Variants in GREB1L observed in about 807,000 individuals in gnomAD.
The protein encoded by GREB1L is GREB1-like protein.
In GREB1L, 17 loss-of-function variants were observed where a neutral mutation model predicts 200.8. The ratio of observed to expected loss-of-function variants is 0.08; its 90% CI spans 0.06 to 0.13. The LOEUF is 0.13. GREB1L is among the 10% of genes least tolerant of loss of function. The probability of loss-of-function intolerance (pLI) is 1.00; values close to 1 mark genes in which losing one functional copy is unlikely to be tolerated. For synonymous variants in GREB1L, 789 were observed against 893.0 expected, an observed-to-expected ratio of 0.88 and a Z score of 2.08; for missense variants, 1,657 against 2,367.7, an observed-to-expected ratio of 0.70 and a Z score of 6.23.
intron 15 of GREB1L, among the ~76,000 whole-genome samples, chr18:21,472,598 T>C (rs2035526485): frequency 6.6e-6 from 1 of 152,050 alleles, no homozygotes; most frequent in Non-Finnish European, 1.5e-5. Flanking sequence ...TTGGTTTTTT[T>C]TTTCTTGTAT....
chr18:21,515,304 A>G lies in GREB1L; in HGVS notation c.4902-113A>G, dbSNP rs895075255. On this transcript the variant is annotated intron_variant, in intron 28 of 32. Transcript: ENST00000424526. ...TCCATTTGCTAATACGAAGTAAATC[A>G]GTTAATTTTATCCTTGAGAGTATTA... The G allele has an allele frequency of 4.1e-6, 3 of 726,280 alleles. No individual in the cohort carries two copies. The African/African-American group carries it at 5.3e-5, about 13-fold the overall frequency. The allele number at this position is 726,280 out of a possible 1,614,324, so 45.0% of individuals were successfully genotyped here.
intron 1 of GREB1L, among the ~76,000 whole-genome samples, chr18:21,329,482 G>A (rs2039074395): frequency 6.6e-6 from 1 of 151,700 alleles, no homozygotes; most frequent in Non-Finnish European, 1.5e-5. Flanking sequence ...TTAACTCCAA[G>A]GATAATTGTG....
rs967167393 is a variant in GREB1L, at chr18:21,520,803, A to G, written c.5588A>G (p.Lys1863Arg). The change falls in exon 32 of 33, where the codon AAG becomes AGG. Residue 1863 changes from lysine to arginine, a missense_variant. This residue lies in a region of GREB1L where 190 missense variants were observed against 230.2 expected (regional missense o/e 0.83). Transcript: ENST00000424526. ...LCDSFVGADL[K>R]KFKFLKGATL... is the part of the protein sequence containing the mutation. The stretch of plus-strand genomic sequence containing the variant: ...GACTCTTTTGTAGGTGCTGATCTTA[A>G]GAAATTTAAATTTCTAAAAGGTAAG... 2.0e-6 allele frequency: 2 copies of G among 996,346 alleles called. No individual in the cohort carries two copies. The highest frequency in any genetic ancestry group is 4.1e-5 in the African/African-American group (2 of 49,148). The allele number at this position is 996,346 out of a possible 1,614,324, so 61.7% of individuals were successfully genotyped here.
intron 1 of GREB1L, among the ~76,000 whole-genome samples, chr18:21,359,889 A>G (rs542931464): frequency 1.4e-4 from 21 of 152,296 alleles, no homozygotes; most frequent in Admixed American, 5.9e-4. Flanking sequence ...TATTTGTGTC[A>G]TCTCAAATAT....
intron 1 of GREB1L, among the ~76,000 whole-genome samples, chr18:21,261,417 A>G (rs1376894389): frequency 6.6e-6 from 1 of 152,050 alleles, no homozygotes; most frequent in Non-Finnish European, 1.5e-5. Flanking sequence ...GCTACCATGA[A>G]TGTTCTCTTA....
intron 27 of GREB1L, 180 bp downstream of exon 27, chr18:21,508,771 C>A: frequency 1.6e-6 from 1 of 619,382 alleles, no homozygotes; most frequent in Non-Finnish European, 2.8e-6. Context: ...TTTTCTTTTT[C>A]CCTTTATCTG....
intron 1 of GREB1L, among the ~76,000 whole-genome samples, chr18:21,354,658 G>A (rs1194455560): frequency 6.6e-6 from 1 of 152,188 alleles, no homozygotes; most frequent in Non-Finnish European, 1.5e-5. Flanking sequence ...TTTAGCAAAG[G>A]ACGGAGGGAG....
At chr18:21,367,508 C>T (rs2039721980) in intron 2 of GREB1L, among the ~76,000 whole-genome samples, 1 of 152,112 alleles carries the variant, frequency 6.6e-6, no homozygotes, top group Non-Finnish European at 1.5e-5. Flanking sequence ...CGGGAACTTA[C>T]ATTAATTTAA....
chr18:21,418,001 A>G (rs1258092007), intron 7 of GREB1L, among the ~76,000 whole-genome samples: 1 of 151,848 alleles, frequency 6.6e-6, no homozygotes, highest in Non-Finnish European at 1.5e-5. Flanking sequence ...AAAAGAAAAG[A>G]AAAAGAAAAC....
At chr18:21,471,586 G>C (rs2035482527) in intron 15 of GREB1L, among the ~76,000 whole-genome samples, 1 of 151,708 alleles carries the variant, frequency 6.6e-6, no homozygotes, top group South Asian at 2.1e-4. Flanking sequence ...AATAGCTATC[G>C]AAGGTTGAAT....
At position 21,500,323 on chromosome 18, in the gene GREB1L, C is replaced by T. The variant is rs1012160412; in HGVS notation, c.3969+17C>T. 3.8e-5 allele frequency: 41 copies of T among 1,076,796 alleles called. No homozygotes were observed. The highest frequency in any genetic ancestry group is 7.7e-5 in the East Asian group (3 of 38,718). The allele number at this position is 1,076,796 out of a possible 1,614,324, so 66.7% of individuals were successfully genotyped here. The stretch of plus-strand genomic sequence containing the variant: ...CCCCCACAGGTAGGGCCAAGCCAGC[C>T]GGGGCCGTTTCTTAGGCTGGGGTTG... On this transcript the variant is annotated intron_variant, in intron 22 of 32. Transcript: ENST00000424526.
At chr18:21,367,053 C>T (rs1159052143) in intron 2 of GREB1L, among the ~76,000 whole-genome samples, 1 of 152,130 alleles carries the variant, frequency 6.6e-6, no homozygotes, top group African/African-American at 2.4e-5. Context: ...ATGGGAGGCA[C>T]ATTCTGTGGA....
At chr18:21,485,370 T>G in intron 17 of GREB1L, 1 of 356,290 alleles carries the variant, frequency 2.8e-6, no homozygotes, top group East Asian at 4.9e-5. Context: ...AAACAAACCA[T>G]GTGCCTGAAG....
At chr18:21,464,638 C>T (rs1226233975) in intron 15 of GREB1L, among the ~76,000 whole-genome samples, 1 of 151,348 alleles carries the variant, frequency 6.6e-6, no homozygotes, top group Non-Finnish European at 1.5e-5. Context: ...GGAAAGGTAT[C>T]TCTACAATGG....
chr18:21,265,476 T>G (rs755062205), intron 1 of GREB1L, among the ~76,000 whole-genome samples: 4 of 152,160 alleles, frequency 2.6e-5, no homozygotes, highest in Non-Finnish European at 4.4e-5. Flanking sequence ...ATGGGCATAT[T>G]TATTGAAACC....
chr18:21,270,113 G>A (rs966012731), intron 1 of GREB1L, among the ~76,000 whole-genome samples: 6 of 152,222 alleles, frequency 3.9e-5, no homozygotes, highest in Non-Finnish European at 5.9e-5. Flanking sequence ...TGAACATATC[G>A]TTTGGTACTT....
chr18:21,360,250 G>A (rs562817163), intron 1 of GREB1L, among the ~76,000 whole-genome samples: 49 of 152,172 alleles, frequency 3.2e-4, no homozygotes, highest in African/African-American at 1.1e-3. Context: ...ACGAAGTCTC[G>A]CTCTGTCATC....
intron 2 of GREB1L, among the ~76,000 whole-genome samples, chr18:21,372,553 C>T (rs948291607): frequency 4.6e-5 from 7 of 152,088 alleles, no homozygotes; most frequent in Admixed American, 4.6e-4. Context: ...TTATGTGTGG[C>T]TCAGAACAAT....
intron 1 of GREB1L, among the ~76,000 whole-genome samples, chr18:21,283,155 A>G (rs767420464): frequency 1.3e-5 from 2 of 152,234 alleles, no homozygotes. Context: ...TGGCTTTTAC[A>G]TAATTCCATT....
Sources: gnomAD v4.1 joint callset for allele counts (sites outside exome capture counted in the v4.1 genomes callset) on GRCh38, gnomAD v4.1.1 for gene constraint, gnomAD v4.1.1 regional missense constraint, MANE v1.5 for transcripts, NCBI Gene and HGNC (gene_info 2026-07-23, HGNC 2026-07-21) for gene names.